NMB: variants seen among roughly 807,000 people sequenced by gnomAD.
The protein encoded by NMB is neuromedin-B.
Under a neutral mutation model 11.7 loss-of-function variants are expected in NMB, and 12 were observed. The observed-to-expected ratio is 1.03, with a 90% CI of 0.66 to 1.66. The LOEUF (loss-of-function observed/expected upper bound fraction) is 1.66. Ranked by LOEUF, NMB falls within the 40% of genes most tolerant of loss-of-function variation. NMB has a pLI of 0.00. For missense variants in NMB, 174 were observed against 157.9 expected (o/e 1.10, Z -0.55); for synonymous variants, 76 against 72.6 (o/e 1.05, Z -0.24).
chr15:84,655,783 G>A (rs1896771307), intron 2 of NMB, among the ~76,000 whole-genome samples: 1 of 152,176 alleles, frequency 6.6e-6, no homozygotes. Context: ...GCATGTGTCA[G>A]AGCTTCAAAA....
chr15:84,656,857 G>A (rs1896788767), intron 2 of NMB, among the ~76,000 whole-genome samples: 1 of 152,118 alleles, frequency 6.6e-6, no homozygotes, highest in Non-Finnish European at 1.5e-5. Context: ...GACTGGGGGA[G>A]AAAGGTCCTG....
At position 84,655,351 on chromosome 15, in the gene NMB, TTG is replaced by T; in HGVS notation, c.*21_*22del. The T allele has an allele frequency of 6.2e-7, 1 of 1,614,196 alleles. No homozygotes were observed. Among genetic ancestry groups the T allele is most frequent in the South Asian group, 1.1e-5 (1 of 91,082 alleles). ...GGTGGGCACAATCTAAGCCACGCTG[TTG>T]TGTCTGCCCCATTATTGGTGTCATT... On this transcript the variant is annotated 3_prime_UTR_variant, in exon 3 of 3. Transcript: ENST00000360476.
In NMB at chr15:84,655,343, C is replaced by A; in HGVS notation, c.*31G>T. 1 of 1,614,138 alleles carries A rather than the reference C, an allele frequency of 6.2e-7. No individual in the cohort carries two copies. Among genetic ancestry groups the A allele is most frequent in the Non-Finnish European group, 8.5e-7 (1 of 1,180,002 alleles). On this transcript the variant is annotated 3_prime_UTR_variant, in exon 3 of 3. Transcript: ENST00000360476. ...CTTCCCTGGGTGGGCACAATCTAAG[C>A]CACGCTGTTGTGTCTGCCCCATTAT...
intron 2 of NMB, among the ~76,000 whole-genome samples, chr15:84,656,254 A>G (rs1896781426): frequency 1.3e-5 from 2 of 152,090 alleles, no homozygotes. Context: ...CAAAACCCAC[A>G]TTCTACCACA....
At chr15:84,655,466 G>T in intron 2 of NMB, 57 bp from the exon 3 acceptor site, 1 of 1,606,976 alleles carries the variant, frequency 6.2e-7, no homozygotes, top group East Asian at 2.2e-5. Flanking sequence ...TAAAGATAGG[G>T]GCATCCTGCC....
At chr15:84,657,495 G>A (rs974272627) in intron 1 of NMB, 147 bp from the exon 2 acceptor site, 1 of 764,644 alleles carries the variant, frequency 1.3e-6, no homozygotes, top group African/African-American at 1.8e-5. Flanking sequence ...TCACCAAGGA[G>A]CCACAAAGGT....
intron 2 of NMB, among the ~76,000 whole-genome samples, chr15:84,656,334 A>G (rs1896782550): frequency 6.6e-6 from 1 of 152,072 alleles, no homozygotes; most frequent in South Asian, 2.1e-4. Context: ...CACCAGGAGC[A>G]GGGAATGAAG....
chr15:84,655,206 G>C lies in NMB; in HGVS notation c.*168C>G. ...TACAGCAGGAACATAATCTGTGTCTGCATCAGCGATATTTCTGGTGACCCA... is the reference window on the plus strand; with the variant it reads ...TACAGCAGGAACATAATCTGTGTCTCCATCAGCGATATTTCTGGTGACCCA... On this transcript the variant is annotated 3_prime_UTR_variant, in exon 3 of 3. Transcript: ENST00000360476. The C allele has an allele frequency of 6.6e-7, 1 of 1,510,498 alleles. No individual in the cohort carries two copies. Among genetic ancestry groups the C allele is most frequent in the East Asian group, 2.3e-5 (1 of 43,828 alleles). The allele number at this position is 1,510,498 out of a possible 1,614,324, so 93.6% of individuals were successfully genotyped here.
intron 2 of NMB, among the ~76,000 whole-genome samples, chr15:84,655,800 G>A (rs774733480): frequency 1.6e-4 from 24 of 152,132 alleles, no homozygotes; most frequent in Non-Finnish European, 3.1e-4. Context: ...AAAACCAAGG[G>A]CATTAGAGGT....
chr15:84,657,984 C>G lies in NMB; in HGVS notation c.157+12G>C. On this transcript the variant is annotated intron_variant, in intron 1 of 2. Transcript: ENST00000360476. ...TGAGGGGCGCTTGCTTGCTCCGTCC[C>G]CAAAGACTTACCGGTGGCCCAGAGG... 1 of 1,589,722 alleles carries G rather than the reference C, an allele frequency of 6.3e-7. No individual in the cohort carries two copies. The highest frequency in any genetic ancestry group is 2.4e-5 in the East Asian group (1 of 41,030).
chr15:84,657,459 A>C, intron 1 of NMB, 111 bp from the exon 2 acceptor site: 2 of 1,030,508 alleles, frequency 1.9e-6, no homozygotes, highest in Non-Finnish European at 2.7e-6. Context: ...AAGACACTTA[A>C]CCTTCCTCCT....
At position 84,657,287 on chromosome 15, in the gene NMB, GGGAGCTGTCCCC is replaced by G; in HGVS notation, c.207_218del (p.Leu69_Pro73delinsPhe). ...GTCGCTGGTCCCTCAGGGAGGTGTG[GGGAGCTGTCCCC>G]AATGGGGATGGGCTGGAAGGCTCCA... On this transcript the variant is annotated inframe_deletion, in exon 2 of 3. Coordinates refer to ENST00000360476, the MANE Select transcript of NMB (RefSeq NM_021077.4). The G allele has an allele frequency of 6.2e-7, 1 of 1,602,000 alleles. No individual in the cohort carries two copies.
intron 2 of NMB, among the ~76,000 whole-genome samples, chr15:84,656,837 A>T (rs1777008998): frequency 6.6e-6 from 1 of 152,130 alleles, no homozygotes; most frequent in Non-Finnish European, 1.5e-5. Flanking sequence ...GGGTGGGACA[A>T]GACTGTGTAG....
chr15:84,655,603 A>C (rs1896766950), intron 2 of NMB, among the ~76,000 whole-genome samples, 194 bp from the exon 3 acceptor site: 1 of 152,126 alleles, frequency 6.6e-6, no homozygotes, highest in Non-Finnish European at 1.5e-5. Context: ...AGCCCCAACC[A>C]CCCAGGGTGG....
rs560761200 is a variant in NMB, at chr15:84,657,908, G to A, written c.157+88C>T. ...TCCACCTGCTCCGACACTAGTGTCC[G>A]TGGCTGAGGAGCGGCCAGAGGGTTG... On this transcript the variant is annotated intron_variant, in intron 1 of 2. Transcript: ENST00000360476. 2.8e-6 allele frequency: 4 copies of A among 1,435,562 alleles called. No homozygotes were observed. In the Admixed American group the frequency reaches 7.4e-5, roughly 27 times the overall value. The allele number at this position is 1,435,562 out of a possible 1,614,324, so 88.9% of individuals were successfully genotyped here.
rs570823517 is a variant in NMB, at chr15:84,658,061, A to G, written c.92T>C (p.Leu31Pro). 2 of 1,590,048 alleles carry G rather than the reference A, an allele frequency of 1.3e-6. No homozygotes were observed. The highest frequency in any genetic ancestry group is 1.7e-6 in the Non-Finnish European group (2 of 1,171,200). ...GCTGGCTCGGCTGCGGGGCTCCGGG[A>G]GATCCCAGCTGAGCGGGGCGACGCC... ...AAGVAPLSWD[L>P]PEPRSRASKI... Residue 31 changes from leucine to proline, a missense_variant, in exon 1 of 3, where the codon CTC becomes CCC. By Grantham distance (98) the Leu-to-Pro change is moderately conservative. Coordinates refer to ENST00000360476, the MANE Select transcript of NMB (RefSeq NM_021077.4).
At chr15:84,657,025 C>G (rs999312080) in intron 2 of NMB, 151 bp downstream of exon 2, 1 of 678,612 alleles carries the variant, frequency 1.5e-6, no homozygotes, top group African/African-American at 1.9e-5. Flanking sequence ...AGGGAAAAGC[C>G]TGGAAACCTG....
chr15:84,655,449 C>A (rs777751499), intron 2 of NMB, 40 bp from the exon 3 acceptor site: 34 of 1,611,620 alleles, frequency 2.1e-5, no homozygotes, highest in Non-Finnish European at 2.4e-5. Flanking sequence ...CAGGGAGGGG[C>A]TCCTGATAAA....
At chr15:84,656,182 G>T (rs973744775) in intron 2 of NMB, among the ~76,000 whole-genome samples, 1 of 152,132 alleles carries the variant, frequency 6.6e-6, no homozygotes, top group African/African-American at 2.4e-5. Context: ...GAGAAGTTAA[G>T]GGACATTTCT....
Sources: gnomAD v4.1 joint callset for allele counts (sites outside exome capture counted in the v4.1 genomes callset) on GRCh38, gnomAD v4.1.1 for gene constraint, MANE v1.5 for transcripts, NCBI Gene and HGNC (gene_info 2026-07-23, HGNC 2026-07-21) for gene names.